The following TTC28 variants were observed in gnomAD, a reference collection of about 807,000 sequenced individuals.
TTC28 encodes tetratricopeptide repeat domain 28.
A neutral mutation model predicts 198.0 loss-of-function variants in TTC28; 61 were observed. The observed-to-expected ratio is 0.31, with a 90% confidence interval of 0.25 to 0.38. The LOEUF (loss-of-function observed/expected upper bound fraction) is 0.38. TTC28 is among the 10% of genes least tolerant of loss of function. The probability of loss-of-function intolerance (pLI) is 1.00; values close to 1 mark genes in which losing one functional copy is unlikely to be tolerated. For missense variants in TTC28, 2,678 were observed against 3,164.0 expected (o/e 0.85, Z 3.69); for synonymous variants, 1,171 against 1,297.8 (o/e 0.90, Z 2.10).
At chr22:28,133,392 T>C (rs1324967537) in intron 6 of TTC28, among the ~76,000 whole-genome samples, 3 of 152,034 alleles carry the variant, frequency 2.0e-5, no homozygotes. Flanking sequence ...CCACCGGGCG[T>C]GAGCTGAAGA....
At chr22:28,066,053 T>G (rs975267932) in intron 12 of TTC28, among the ~76,000 whole-genome samples, 1 of 152,254 alleles carries the variant, frequency 6.6e-6, no homozygotes, top group African/African-American at 2.4e-5. Flanking sequence ...TATTTCTTGC[T>G]TAAAGGCAGA....
At chr22:28,085,448 G>A (rs1478183856) in intron 12 of TTC28, among the ~76,000 whole-genome samples, 1 of 152,112 alleles carries the variant, frequency 6.6e-6, no homozygotes, top group Non-Finnish European at 1.5e-5. Flanking sequence ...ATCCTTTACA[G>A]ACAAGCAAAT....
In TTC28 at chr22:27,982,326, G is replaced by A. The variant is rs747812493; in HGVS notation, c.7341C>T (p.Pro2447=). 2.5e-5 allele frequency: 38 copies of A among 1,531,264 alleles called. No homozygotes were observed. Among genetic ancestry groups the A allele is most frequent in the Non-Finnish European group, 3.2e-5 (36 of 1,135,582 alleles). The allele number at this position is 1,531,264 out of a possible 1,614,324, so 94.9% of individuals were successfully genotyped here. Residue 2447 remains proline (P), a synonymous_variant, in exon 23 of 23, where the codon CCC becomes CCT. Coordinates refer to ENST00000397906, the MANE Select transcript of TTC28 (RefSeq NM_001145418.2). This position sits in a 1 kb window ranked among gnomAD's most constrained non-coding sequence, Gnocchi z 5.2. The part of the protein sequence containing the change: ...ETTSLGSLPL[P]AGPPATAPAR... ...CGGGGGCTGTGGCGGGAGGGCCGGC[G>A]GGCAGCGGCAGTGAGCCCAGCGAGG...
Position 28,297,832 on chromosome 22 carries a change from G to C in TTC28, c.550C>G (p.Gln184Glu), listed in dbSNP as rs760942568. Residue 184 changes from glutamine (Q) to glutamate (E), a missense_variant, in exon 4 of 23, where the codon CAG becomes GAG. Transcript: ENST00000397906. Reference sequence around the variant, plus strand: ...TCCAGTTTCATTTTCTGAAGCTGCTGATAAGTGGGCTCGAGGGAGTCTGAA... The same window carrying C: ...TCCAGTTTCATTTTCTGAAGCTGCTCATAAGTGGGCTCGAGGGAGTCTGAA... ...PMRDSLEPTY[Q>E]QLQKMKLDKS... 1.9e-6 allele frequency: 3 copies of C among 1,551,482 alleles called. No homozygotes were observed. In the South Asian group the frequency reaches 3.6e-5, roughly 18 times the overall value.
intron 2 of TTC28, among the ~76,000 whole-genome samples, chr22:28,359,673 T>C (rs2046129320): frequency 6.6e-6 from 1 of 152,140 alleles, no homozygotes; most frequent in African/African-American, 2.4e-5. Flanking sequence ...TCATGGTAAG[T>C]CCAAGCACCA....
rs1257696971 is a variant in TTC28, at chr22:27,993,361, G to C, written c.5402C>G (p.Ala1801Gly). 2 of 1,550,684 alleles carry C rather than the reference G, an allele frequency of 1.3e-6. No individual in the cohort carries two copies. The highest frequency in any genetic ancestry group is 1.7e-6 in the Non-Finnish European group (2 of 1,146,948). Residue 1801 changes from alanine (A) to glycine (G), a missense_variant, in exon 18 of 23, where the codon GCG (alanine) becomes GGG (glycine). By Grantham distance (60) the Ala-to-Gly change is moderately conservative (BLOSUM62 0). Coordinates refer to ENST00000397906, the MANE Select transcript of TTC28 (RefSeq NM_001145418.2). The part of the protein sequence containing the change: ...RLDPPTSGLP[A>G]AVFFPTSDPG... ...GTCGGAGGTTGGGAAGAAGACAGCC[G>C]CTGGCAGGCCACTGGTTGGGGGGTC...
intron 1 of TTC28, among the ~76,000 whole-genome samples, chr22:28,672,011 T>C (rs1207241576): frequency 6.6e-6 from 1 of 150,908 alleles, no homozygotes; most frequent in African/African-American, 2.4e-5. Context: ...AAAATAGAAA[T>C]AAACCATTTA....
At chr22:28,149,855 A>C (rs1453649664) in intron 6 of TTC28, among the ~76,000 whole-genome samples, 1 of 152,204 alleles carries the variant, frequency 6.6e-6, no homozygotes, top group African/African-American at 2.4e-5. Flanking sequence ...TGTAGTTAAT[A>C]ATGTATATTT....
At chr22:28,052,611 C>G (rs1166812601) in intron 12 of TTC28, among the ~76,000 whole-genome samples, 1 of 152,284 alleles carries the variant, frequency 6.6e-6, no homozygotes, top group African/African-American at 2.4e-5. Context: ...AAAAGACCAG[C>G]CATTTTCAAT....
chr22:28,523,848 G>A (rs552202056), intron 2 of TTC28, among the ~76,000 whole-genome samples: 2 of 152,198 alleles, frequency 1.3e-5, no homozygotes, highest in South Asian at 2.1e-4. Context: ...ATAATAATAC[G>A]TTTTATAAAA....
chr22:28,223,722 A>G (rs568555850), intron 5 of TTC28, among the ~76,000 whole-genome samples: 1 of 152,382 alleles, frequency 6.6e-6, no homozygotes, highest in Non-Finnish European at 1.5e-5. Context: ...TGGTACCTAC[A>G]TGAATAAACA....
chr22:28,300,955 C>G (rs888063017), intron 3 of TTC28, among the ~76,000 whole-genome samples: 1 of 152,100 alleles, frequency 6.6e-6, no homozygotes, highest in Non-Finnish European at 1.5e-5. Flanking sequence ...TGGTCAAACG[C>G]GTAGGTTGAA....
chr22:28,338,883 C>T (rs561749796), intron 2 of TTC28, among the ~76,000 whole-genome samples: 10 of 152,316 alleles, frequency 6.6e-5, no homozygotes, highest in East Asian at 5.8e-4. Flanking sequence ...TTGTCAAAGT[C>T]GTTCTCCATT....
At chr22:28,528,191 TTC>T (rs774745039) in intron 2 of TTC28, among the ~76,000 whole-genome samples, 5 of 152,196 alleles carry the variant, frequency 3.3e-5, no homozygotes, top group Non-Finnish European at 5.9e-5. Flanking sequence ...TGATTATCTT[TTC>T]TTCAGTTTCA....
chr22:28,069,020 G>A (rs1050337698), intron 12 of TTC28, among the ~76,000 whole-genome samples: 2 of 152,048 alleles, frequency 1.3e-5, no homozygotes, highest in African/African-American at 2.4e-5. Context: ...GTGGGACTGG[G>A]GAATACCCAG....
At chr22:28,042,597 A>G (rs58050941) in intron 12 of TTC28, among the ~76,000 whole-genome samples, 10,485 of 151,814 alleles carry the variant, frequency 0.069, 415 homozygotes, top group South Asian at 0.089. Flanking sequence ...GGGGGACTGG[A>G]GGAGGGAGAG....
chr22:28,295,436 A>G (rs1353576690), intron 5 of TTC28, among the ~76,000 whole-genome samples: 1 of 152,190 alleles, frequency 6.6e-6, no homozygotes, highest in Non-Finnish European at 1.5e-5. Flanking sequence ...AAATCCTGGC[A>G]CCATGCCGGG....
intron 2 of TTC28, among the ~76,000 whole-genome samples, chr22:28,439,085 T>TG (rs2146220457): frequency 6.6e-6 from 1 of 152,376 alleles, no homozygotes; most frequent in South Asian, 2.1e-4. Flanking sequence ...AAAATAGTTC[T>TG]GATTTACTTT....
At chr22:28,588,373 G>T (rs1235626772) in intron 2 of TTC28, among the ~76,000 whole-genome samples, 1 of 152,076 alleles carries the variant, frequency 6.6e-6, no homozygotes, top group Non-Finnish European at 1.5e-5. Context: ...TGGAAGTAGG[G>T]TTACTCCCAC....
Sources: gnomAD v4.1 joint callset for allele counts (sites outside exome capture counted in the v4.1 genomes callset) on GRCh38, gnomAD v4.1.1 for gene constraint, Gnocchi (gnomAD v3.1) non-coding constraint, MANE v1.5 for transcripts, NCBI Gene and HGNC (gene_info 2026-07-23, HGNC 2026-07-21) for gene names.